CNTN5: variants seen among roughly 807,000 people sequenced by gnomAD.
The protein encoded by CNTN5 is contactin 5.
CNTN5 carries 77 observed loss-of-function variants against 129.1 expected under a neutral mutation model. That is an observed-to-expected ratio of 0.60 (90% CI 0.50 to 0.72). The LOEUF (loss-of-function observed/expected upper bound fraction) is 0.72. Among genes scored for constraint, CNTN5 ranks in the 30% least tolerant of loss-of-function variants. CNTN5 has a pLI of 0.00. For missense variants in CNTN5, 1,478 were observed against 1,328.8 expected, an observed-to-expected ratio of 1.11 and a Z score of -1.75; for synonymous variants, 509 against 465.6, an observed-to-expected ratio of 1.09 and a Z score of -1.20.
intron 1 of CNTN5, among the ~76,000 whole-genome samples, chr11:99,136,315 G>A (rs1199534442): frequency 5.3e-5 from 8 of 152,076 alleles, no homozygotes; most frequent in African/African-American, 1.9e-4. Context: ...TAGATCAATC[G>A]ACAGAAACAT....
chr11:99,379,145 G>T (rs1286546523), intron 2 of CNTN5, among the ~76,000 whole-genome samples: 4 of 146,962 alleles, frequency 2.7e-5, no homozygotes, highest in Non-Finnish European at 4.5e-5. Context: ...TTTCTGACCA[G>T]CAAGTTACTT....
At chr11:99,488,613 C>T (rs1945914529) in intron 2 of CNTN5, among the ~76,000 whole-genome samples, 1 of 152,170 alleles carries the variant, frequency 6.6e-6, no homozygotes, top group Admixed American at 6.5e-5. Context: ...GGTGTATCAT[C>T]ACTTTCTACA....
intron 3 of CNTN5, among the ~76,000 whole-genome samples, chr11:99,697,309 AAG>A (rs1243025788): frequency 2.0e-5 from 3 of 151,120 alleles, no homozygotes; most frequent in South Asian, 4.2e-4. Flanking sequence ...GAGAGAGAAA[AAG>A]AGGGGGAGAG....
intron 3 of CNTN5, among the ~76,000 whole-genome samples, chr11:99,658,708 C>T (rs1335603331): frequency 1.3e-5 from 1 of 79,568 alleles, no homozygotes; most frequent in Non-Finnish European, 3.3e-5. Context: ...TCTGTCTCTA[C>T]TAAAAAAAAA....
intron 2 of CNTN5, among the ~76,000 whole-genome samples, chr11:99,343,986 C>T (rs534622566): frequency 6.6e-6 from 1 of 152,222 alleles, no homozygotes; most frequent in Admixed American, 6.5e-5. Context: ...CTAAAAAATA[C>T]AATGTGACTA....
intron 2 of CNTN5, among the ~76,000 whole-genome samples, chr11:99,516,594 G>T (rs1165415345): frequency 6.6e-6 from 1 of 152,030 alleles, no homozygotes; most frequent in Non-Finnish European, 1.5e-5. Flanking sequence ...TCGAGTGAGG[G>T]TCACCAATGG....
intron 1 of CNTN5, among the ~76,000 whole-genome samples, chr11:99,131,463 C>T (rs376941368): frequency 2.9e-4 from 44 of 151,438 alleles, no homozygotes; most frequent in South Asian, 8.4e-4. Flanking sequence ...TAACAAATAC[C>T]GGAACTGGTT....
chr11:99,032,867 C>G (rs1863470183), intron 1 of CNTN5, among the ~76,000 whole-genome samples: 1 of 143,558 alleles, frequency 7.0e-6, no homozygotes, highest in Non-Finnish European at 1.5e-5. Flanking sequence ...AATGGTATTG[C>G]CTAGGTTTTC....
At chr11:99,673,222 G>A (rs770551498) in intron 3 of CNTN5, among the ~76,000 whole-genome samples, 15 of 152,138 alleles carry the variant, frequency 9.9e-5, no homozygotes, top group Non-Finnish European at 2.1e-4. Context: ...ACAAGCTTTC[G>A]ACAGACAGCT....
chr11:99,722,721 AT>A (rs1191863860), intron 3 of CNTN5, among the ~76,000 whole-genome samples: 2 of 151,914 alleles, frequency 1.3e-5, no homozygotes, highest in African/African-American at 4.8e-5. Flanking sequence ...TTGTCAGAGA[AT>A]TTTGCTAGAG....
intron 8 of CNTN5, among the ~76,000 whole-genome samples, chr11:99,981,117 C>CACAT (rs1369398022): frequency 1.1e-5 from 1 of 92,046 alleles, no homozygotes; most frequent in Admixed American, 1.2e-4. Context: ...CACACACACA[C>CACAT]ATATATGAAA....
intron 8 of CNTN5, among the ~76,000 whole-genome samples, chr11:99,976,843 A>C (rs1403090135): frequency 6.6e-6 from 1 of 152,218 alleles, no homozygotes; most frequent in Non-Finnish European, 1.5e-5. Flanking sequence ...TATAGCTCCT[A>C]CTTAAGCAAA....
At chr11:100,291,202 AT>A (rs1432130352) in intron 18 of CNTN5, among the ~76,000 whole-genome samples, 3 of 150,746 alleles carry the variant, frequency 2.0e-5, no homozygotes, top group Non-Finnish European at 3.0e-5. Context: ...CAGTGTGGCG[AT>A]TCCTCAGGGA....
intron 13 of CNTN5, among the ~76,000 whole-genome samples, chr11:100,138,646 C>T (rs11222942): frequency 0.22 from 33,960 of 151,684 alleles, 3,841 homozygotes; most frequent in Non-Finnish European, 0.24. Context: ...TTACAGAGCT[C>T]GTAGGAGGAC....
At chr11:99,178,221 C>T (rs1261576735) in intron 1 of CNTN5, among the ~76,000 whole-genome samples, 1 of 151,910 alleles carries the variant, frequency 6.6e-6, no homozygotes, top group Admixed American at 6.6e-5. Flanking sequence ...TAGCTCATAC[C>T]TGTGATCCTA....
chr11:99,980,482 G>A (rs1455854189), intron 8 of CNTN5, among the ~76,000 whole-genome samples: 2 of 152,088 alleles, frequency 1.3e-5, no homozygotes, highest in Admixed American at 6.6e-5. Flanking sequence ...CTTACTGTGG[G>A]TACAGCCCTG....
chr11:99,275,027 T>G (rs1222129282), intron 1 of CNTN5, among the ~76,000 whole-genome samples: 1 of 151,468 alleles, frequency 6.6e-6, no homozygotes. Context: ...ATTTCTGTAT[T>G]TAAGACATAA....
At position 99,330,075 on chromosome 11, in the gene CNTN5, G is replaced by A. The variant is rs187940811; in HGVS notation, c.-71+4591G>A. 2.3e-3 allele frequency among the ~76,000 whole-genome samples: 339 copies of A among 144,310 alleles called. 1 individual carries two copies. The highest frequency in any genetic ancestry group is 4.0e-3 in the Non-Finnish European group (267 of 66,064). 94.7% of individuals were successfully genotyped at this position (144,310 alleles called of 152,430 possible). On this transcript the variant is annotated intron_variant, in intron 2 of 24. Transcript: ENST00000524871. ...TGGACTGAAACTTACTGAAAGTCTC[G>A]TAAGACTTAAAAAAAAAAGGAAAAG...
chr11:99,588,412 G>A (rs1949876316), intron 3 of CNTN5, among the ~76,000 whole-genome samples: 1 of 149,908 alleles, frequency 6.7e-6, no homozygotes, highest in African/African-American at 2.5e-5. Context: ...TTTTGTAGAA[G>A]TCAAGGCAAA....
Sources: gnomAD v4.1 joint callset for allele counts (sites outside exome capture counted in the v4.1 genomes callset) on GRCh38, gnomAD v4.1.1 for gene constraint, MANE v1.5 for transcripts, NCBI Gene and HGNC (gene_info 2026-07-23, HGNC 2026-07-21) for gene names.